Variants in LUZP2 observed in about 807,000 individuals in gnomAD.
LUZP2 encodes the protein leucine zipper protein 2.
A neutral mutation model predicts 51.6 loss-of-function variants in LUZP2; 52 were observed. The observed-to-expected ratio is 1.01, with a 90% CI of 0.81 to 1.27. The LOEUF is 1.27. Ranked by LOEUF, LUZP2 falls within the 50% of genes most tolerant of loss-of-function variation. The probability of loss-of-function intolerance (pLI) is 0.00; values close to 1 mark genes in which losing one functional copy is unlikely to be tolerated. For synonymous variants in LUZP2, 154 were observed against 137.3 expected, an observed-to-expected ratio of 1.12 and a Z score of -0.85; for missense variants, 436 against 395.4, an observed-to-expected ratio of 1.10 and a Z score of -0.87.
chr11:24,972,139 GAAAA>G (rs10701148), intron 7 of LUZP2, among the ~76,000 whole-genome samples: 4 of 32,794 alleles, frequency 1.2e-4, no homozygotes, highest in Non-Finnish European at 2.0e-4. Context: ...GTGAGACTCC[GAAAA>G]AAAAAAAAAA....
intron 5 of LUZP2, among the ~76,000 whole-genome samples, chr11:24,850,088 A>T (rs776042891): frequency 3.3e-5 from 5 of 152,078 alleles, no homozygotes; most frequent in Non-Finnish European, 7.4e-5. Context: ...GTTCACTTCG[A>T]TGATAGTTTC....
rs114516347 is a variant in LUZP2 at position 24,982,217 on chromosome 11, A to G, written c.598-909A>G. ...CAGTATGGCGATTCCTCAAAGAGGT[A>G]AAAGCAGAACTATCATTTGACCCAG... On this transcript the variant is annotated intron_variant, in intron 8 of 11. Coordinates refer to ENST00000336930, the MANE Select transcript of LUZP2 (RefSeq NM_001009909.4). Among the ~76,000 whole-genome samples, 1,171 of 152,040 alleles carry G rather than the reference A, an allele frequency of 7.7e-3. 13 individuals are homozygous for G. Among genetic ancestry groups the G allele is most frequent in the African/African-American group, 0.027 (1,110 of 41,522 alleles).
chr11:24,757,167 C>T (rs1565120673), intron 4 of LUZP2, among the ~76,000 whole-genome samples: 1 of 152,074 alleles, frequency 6.6e-6, no homozygotes. Context: ...TAATTTTAAA[C>T]TATTAGTATA....
intron 1 of LUZP2, among the ~76,000 whole-genome samples, chr11:24,724,063 C>G (rs976964669): frequency 6.6e-6 from 1 of 152,080 alleles, no homozygotes; most frequent in African/African-American, 2.4e-5. Flanking sequence ...TGGGTGCCGT[C>G]AAAGAAAAGC....
intron 7 of LUZP2, among the ~76,000 whole-genome samples, chr11:24,951,863 A>T (rs1034667492): frequency 1.3e-5 from 2 of 151,734 alleles, no homozygotes; most frequent in African/African-American, 4.8e-5. Flanking sequence ...TTACAATGGG[A>T]AATAATGATT....
chr11:24,746,305 A>G (rs373211821), intron 4 of LUZP2, among the ~76,000 whole-genome samples: 28 of 152,232 alleles, frequency 1.8e-4, no homozygotes, highest in African/African-American at 6.3e-4. Context: ...TTTCCTTCAT[A>G]TATGATGCTT....
At chr11:24,656,388 T>C (rs1855804768) in intron 1 of LUZP2, among the ~76,000 whole-genome samples, 1 of 152,198 alleles carries the variant, frequency 6.6e-6, no homozygotes, top group African/African-American at 2.4e-5. Flanking sequence ...GATAGGTAGA[T>C]AGAGGCTTGG....
At chr11:24,940,255 A>T (rs1854705310) in intron 7 of LUZP2, among the ~76,000 whole-genome samples, 1 of 152,176 alleles carries the variant, frequency 6.6e-6, no homozygotes, top group South Asian at 2.1e-4. Context: ...AAACTTTTCT[A>T]ATTTAAAGTT....
rs114923051 is a variant in LUZP2 at position 24,899,993 on chromosome 11, G to T, written c.397-5998G>T. The stretch of plus-strand genomic sequence containing the variant: ...GTCTCTTTTGTTATATATATTTAAT[G>T]TTATTTCTAAATGAACTTCACCATC... On this transcript the variant is annotated intron_variant, in intron 5 of 11. Coordinates refer to ENST00000336930, the MANE Select transcript of LUZP2 (RefSeq NM_001009909.4). 7.2e-3 allele frequency among the ~76,000 whole-genome samples: 1,090 copies of T among 152,220 alleles called. 11 individuals are homozygous for T. The highest frequency in any genetic ancestry group is 0.021 in the African/African-American group (888 of 41,544).
At chr11:24,987,002 T>A (rs1417662441) in intron 9 of LUZP2, among the ~76,000 whole-genome samples, 1 of 151,406 alleles carries the variant, frequency 6.6e-6, no homozygotes, top group Admixed American at 6.6e-5. Flanking sequence ...CTTGATCAAA[T>A]TACTTAACTT....
rs141424024 is a variant in LUZP2, at chr11:24,749,314, C to A, written c.333+11012C>A. Among the ~76,000 whole-genome samples, 561 of 152,258 alleles carry A rather than the reference C, an allele frequency of 3.7e-3. 1 individual carries two copies. Among genetic ancestry groups the A allele is most frequent in the Non-Finnish European group, 6.2e-3 (420 of 68,016 alleles). On this transcript the variant is annotated intron_variant, in intron 4 of 11. Coordinates refer to ENST00000336930, the MANE Select transcript of LUZP2 (RefSeq NM_001009909.4). Reference sequence around the variant, plus strand: ...AGCAGAAGTGAGTACATTTAAACAGCTTTAAAGTCAAAAGCCTTGTTTTCC... The same window carrying A: ...AGCAGAAGTGAGTACATTTAAACAGATTTAAAGTCAAAAGCCTTGTTTTCC...
chr11:24,978,464 T>A (rs1430946863), intron 8 of LUZP2, among the ~76,000 whole-genome samples: 1 of 151,734 alleles, frequency 6.6e-6, no homozygotes, highest in Non-Finnish European at 1.5e-5. Flanking sequence ...TGAAGCAGTC[T>A]GGTCTTCTCT....
chr11:25,014,738 G>T (rs1857095000), intron 9 of LUZP2, among the ~76,000 whole-genome samples: 1 of 152,142 alleles, frequency 6.6e-6, no homozygotes. Flanking sequence ...TTGCTGTGCA[G>T]AAGCTCTTTA....
At chr11:24,945,916 A>C (rs780549970) in intron 7 of LUZP2, among the ~76,000 whole-genome samples, 11 of 152,134 alleles carry the variant, frequency 7.2e-5, no homozygotes, top group Non-Finnish European at 1.5e-4. Flanking sequence ...ATTCAATTTT[A>C]GAAAATTGTC....
chr11:25,013,607 C>A (rs1857043035), intron 9 of LUZP2, among the ~76,000 whole-genome samples: 1 of 151,774 alleles, frequency 6.6e-6, no homozygotes, highest in South Asian at 2.1e-4. Context: ...TTGTTAATGT[C>A]TCTGAGATAA....
In LUZP2 at chr11:24,882,437, T is replaced by A. The variant is rs183285763; in HGVS notation, c.397-23554T>A. Among the ~76,000 whole-genome samples, 121 of 152,064 alleles carry A rather than the reference T, an allele frequency of 8.0e-4. 2 individuals are homozygous for A. Among genetic ancestry groups the A allele is most frequent in the Admixed American group, 6.8e-3 (103 of 15,250 alleles). ...ATGTATTACAATCAATAAACCAACA[T>A]TGAAACGTCGTTATCACCCCCAAAC... On this transcript the variant is annotated intron_variant, in intron 5 of 11. Coordinates refer to ENST00000336930, the MANE Select transcript of LUZP2 (RefSeq NM_001009909.4).
intron 1 of LUZP2, among the ~76,000 whole-genome samples, chr11:24,615,027 T>A (rs1396793342): frequency 6.6e-6 from 1 of 152,022 alleles, no homozygotes; most frequent in Non-Finnish European, 1.5e-5. Context: ...GAAATTTCAA[T>A]TTTGAAATCA....
At chr11:24,832,402 A>G (rs1228593504) in intron 5 of LUZP2, among the ~76,000 whole-genome samples, 1 of 151,960 alleles carries the variant, frequency 6.6e-6, no homozygotes, top group East Asian at 1.9e-4. Context: ...AATAAAATAG[A>G]TATTATTATA....
intron 9 of LUZP2, among the ~76,000 whole-genome samples, chr11:25,046,594 A>G (rs1480577221): frequency 6.6e-6 from 1 of 152,156 alleles, no homozygotes; most frequent in African/African-American, 2.4e-5. Context: ...AGATGAAACA[A>G]TGAATAACAC....
Sources: allele counts gnomAD v4.1 joint callset (sites outside exome capture counted in the v4.1 genomes callset), GRCh38; gene constraint gnomAD v4.1.1; transcripts MANE v1.5; gene names NCBI Gene and HGNC (gene_info 2026-07-23, HGNC 2026-07-21).